The following RBM25 variants were observed in gnomAD, a reference collection of about 807,000 sequenced individuals.
RBM25 encodes RNA-binding protein 25.
RBM25 carries 19 observed loss-of-function variants against 120.7 expected under a neutral mutation model. The ratio of observed to expected loss-of-function variants is 0.16; its 90% CI spans 0.11 to 0.23. The LOEUF is 0.23. Among genes scored for constraint, RBM25 ranks in the 10% least tolerant of loss-of-function variants. The probability of loss-of-function intolerance (pLI) is 1.00; values close to 1 mark genes in which losing one functional copy is unlikely to be tolerated. For synonymous variants in RBM25, 390 were observed against 326.7 expected, an observed-to-expected ratio of 1.19 and a Z score of -2.09; for missense variants, 605 against 1,041.5, an observed-to-expected ratio of 0.58 and a Z score of 5.77.
intron 18 of RBM25, among the ~76,000 whole-genome samples, chr14:73,116,693 G>GT (rs1198766789): frequency 1.3e-5 from 2 of 152,150 alleles, no homozygotes; most frequent in African/African-American, 4.8e-5. Context: ...ATAAAACTGT[G>GT]TTCTAGCGTT....
intron 2 of RBM25, among the ~76,000 whole-genome samples, chr14:73,074,179 A>G (rs747556383): frequency 6.6e-6 from 1 of 152,164 alleles, no homozygotes; most frequent in Non-Finnish European, 1.5e-5. Flanking sequence ...TTTTCTTCAT[A>G]TATTTATAGG....
In RBM25 at chr14:73,100,158, T is replaced by A. The variant is rs916661699; in HGVS notation, c.867+408T>A. On this transcript the variant is annotated intron_variant, in intron 9 of 18. Coordinates refer to ENST00000261973, the MANE Select transcript of RBM25 (RefSeq NM_021239.3). ...AGAGCTGAGATTAAAATTTACATTT[T>A]ATATTTGTATAGATTTAAGTTGAGT... The A allele has an allele frequency of 2.5e-5, 12 of 483,038 alleles. No homozygotes were observed. The Admixed American group carries it at 4.0e-4, about 16-fold the overall frequency. The allele number at this position is 483,038 out of a possible 1,614,324, so 29.9% of individuals were successfully genotyped here.
rs1896538144 is a variant in RBM25, at chr14:73,121,356, C to T, written c.*1551C>T. On this transcript the variant is annotated 3_prime_UTR_variant, in exon 19 of 19. Transcript: ENST00000261973. Reference sequence around the variant, plus strand: ...CTTTCAGAATCATGTAAATAAATGGCATCATGTTGTAATTGTGTGGTGCAT... The same window carrying T: ...CTTTCAGAATCATGTAAATAAATGGTATCATGTTGTAATTGTGTGGTGCAT... The T allele has an allele frequency of 6.6e-6, 1 of 152,390 alleles. No individual in the cohort carries two copies. The allele number at this position is 152,390 out of a possible 1,614,324, so 9.4% of individuals were successfully genotyped here.
intron 5 of RBM25, among the ~76,000 whole-genome samples, chr14:73,085,307 G>A (rs147363813): frequency 2.7e-5 from 4 of 148,948 alleles, no homozygotes; most frequent in Admixed American, 6.8e-5. Context: ...GTGAGCCACC[G>A]CGCCCGGCCT....
At chr14:73,104,578 G>A (rs1288906632) in intron 10 of RBM25, among the ~76,000 whole-genome samples, 1 of 151,808 alleles carries the variant, frequency 6.6e-6, no homozygotes, top group African/African-American at 2.4e-5. Flanking sequence ...ATGTTGCCCA[G>A]CTGGTCTCGA....
intron 16 of RBM25, 130 bp from the exon 17 acceptor site, chr14:73,112,022 G>C: frequency 9.5e-7 from 1 of 1,049,592 alleles, no homozygotes; most frequent in Admixed American, 2.7e-5. Context: ...ATTGTATCTT[G>C]ATACATATCT....
rs576035232 is a variant in RBM25 at position 73,078,816 on chromosome 14, C to G, written c.324+1280C>G. ...ACAAGGTTTCATCATGTTATCCAGA[C>G]TTGTCTTGAACTCCTGGCCTCAAGC... On this transcript the variant is annotated intron_variant, in intron 4 of 18. Transcript: ENST00000261973. 1.8e-4 allele frequency among the ~76,000 whole-genome samples: 27 copies of G among 152,224 alleles called. No individual in the cohort carries two copies. The South Asian group carries it at 2.9e-3, about 16-fold the overall frequency.
intron 3 of RBM25, among the ~76,000 whole-genome samples, chr14:73,076,859 C>T (rs1329182883): frequency 6.6e-6 from 1 of 152,226 alleles, no homozygotes; most frequent in Non-Finnish European, 1.5e-5. Context: ...AGGCCAGGAT[C>T]ACCTGAGGCC....
intron 1 of RBM25, chr14:73,068,251 A>T: frequency 1.2e-6 from 1 of 863,790 alleles, no homozygotes; most frequent in Non-Finnish European, 2.0e-6. Flanking sequence ...TAATATTTTT[A>T]TAAACCATTT....
At chr14:73,094,476 C>G (rs923274107) in intron 6 of RBM25, among the ~76,000 whole-genome samples, 16 of 151,782 alleles carry the variant, frequency 1.1e-4, no homozygotes, top group Non-Finnish European at 1.9e-4. Context: ...GAGACGGAGT[C>G]TTGCTCTGTC....
intron 4 of RBM25, 30 bp from the exon 5 acceptor site, chr14:73,083,464 G>A: frequency 3.3e-6 from 5 of 1,508,540 alleles, no homozygotes; most frequent in Non-Finnish European, 4.5e-6. Flanking sequence ...TTAAATGGTA[G>A]CAATCTGTTT....
intron 2 of RBM25, among the ~76,000 whole-genome samples, chr14:73,072,925 G>A (rs575190816): frequency 2.0e-5 from 3 of 152,020 alleles, no homozygotes; most frequent in South Asian, 4.2e-4. Context: ...TTGTGTGTGC[G>A]TGTGTGTGTA....
chr14:73,100,214 T>C (rs1264443504), intron 9 of RBM25: 1 of 615,398 alleles, frequency 1.6e-6, no homozygotes, highest in African/African-American at 1.8e-5. Context: ...GGTCAGTGGT[T>C]ACCAGACTTA....
chr14:73,119,673 T>G, intron 18 of RBM25, 40 bp from the exon 19 acceptor site: 1 of 1,606,478 alleles, frequency 6.2e-7, no homozygotes, highest in Non-Finnish European at 8.5e-7. Context: ...TGTTGATGAT[T>G]GCTTCTCTTA....
At chr14:73,091,143 C>CT (rs778142481) in intron 6 of RBM25, among the ~76,000 whole-genome samples, 10 of 152,156 alleles carry the variant, frequency 6.6e-5, no homozygotes, top group Non-Finnish European at 1.3e-4. Flanking sequence ...CTGAAAAACT[C>CT]TGAGAATGAA....
Position 73,085,499 on chromosome 14 carries a change from C to T in RBM25, c.382+1948C>T, listed in dbSNP as rs764528539. Among the ~76,000 whole-genome samples, 2 of 149,232 alleles carry T rather than the reference C, an allele frequency of 1.3e-5. 1 individual carries two copies. Among genetic ancestry groups the T allele is most frequent in the Non-Finnish European group, 3.0e-5 (2 of 67,000 alleles). On this transcript the variant is annotated intron_variant, in intron 5 of 18. Coordinates refer to ENST00000261973, the MANE Select transcript of RBM25 (RefSeq NM_021239.3). ...CGCTCTTGTTGCCCAGACTGGAGTGCGATGGCACCATCTCAGCTCGCTGCA... is the reference window on the plus strand; with the variant it reads ...CGCTCTTGTTGCCCAGACTGGAGTGTGATGGCACCATCTCAGCTCGCTGCA...
chr14:73,069,465 A>G (rs949870829), intron 1 of RBM25, among the ~76,000 whole-genome samples: 1 of 151,684 alleles, frequency 6.6e-6, no homozygotes, highest in Non-Finnish European at 1.5e-5. Flanking sequence ...GTTTTTTGAG[A>G]TGGAATTTTG....
Position 73,096,951 on chromosome 14 carries a change from G to A in RBM25, c.580G>A (p.Glu194Lys). 1 of 1,613,032 alleles carries A rather than the reference G, an allele frequency of 6.2e-7. No individual in the cohort carries two copies. The highest frequency in any genetic ancestry group is 8.5e-7 in the Non-Finnish European group (1 of 1,179,762). The change falls in exon 7 of 19, where the codon GAA (glutamate) becomes AAA (lysine). Residue 194 changes from glutamate (E) to lysine (K), a missense_variant. Physicochemically the swap from Glu to Lys is moderately conservative, Grantham distance 56. Coordinates refer to ENST00000261973, the MANE Select transcript of RBM25 (RefSeq NM_021239.3). ...AGAAACTGTCACTAATGACGATGAA[G>A]AAGCCTTGGATGAAGAAACAAAGAG... Reference protein sequence around the residue: ...RPETVTNDDEEALDEETKRRD... With the variant: ...RPETVTNDDEKALDEETKRRD...
At chr14:73,083,417 T>C in intron 4 of RBM25, 77 bp from the exon 5 acceptor site, 1 of 1,157,412 alleles carries the variant, frequency 8.6e-7, no homozygotes, top group Non-Finnish European at 1.2e-6. Flanking sequence ...CTAGTAGAAA[T>C]ATAATTTTGC....
Sources: gnomAD v4.1 joint callset for allele counts (sites outside exome capture counted in the v4.1 genomes callset) on GRCh38, gnomAD v4.1.1 for gene constraint, MANE v1.5 for transcripts, NCBI Gene and HGNC (gene_info 2026-07-23, HGNC 2026-07-21) for gene names.